The following MEGF6 variants were observed in gnomAD, a reference collection of about 807,000 sequenced individuals.
MEGF6 encodes the protein multiple epidermal growth factor-like domains protein 6.
In MEGF6, 184 loss-of-function variants were observed where a neutral mutation model predicts 207.1. The observed-to-expected ratio is 0.89, with a 90% confidence interval of 0.79 to 1.00. The LOEUF is 1.00. Among genes scored for constraint, MEGF6 ranks in the 50% least tolerant of loss-of-function variants. The probability of loss-of-function intolerance (pLI) is 0.00; values close to 1 mark genes in which losing one functional copy is unlikely to be tolerated. For missense variants in MEGF6, 2,282 were observed against 2,202.9 expected (o/e 1.04, Z -0.72); for synonymous variants, 1,038 against 910.0 (o/e 1.14, Z -2.53).
At position 3,594,906 on chromosome 1, in the gene MEGF6, G is replaced by A. The variant is rs908421779; in HGVS notation, c.376+432C>T. Among the ~76,000 whole-genome samples the A allele has an allele frequency of 2.6e-5, 4 of 152,304 alleles. No individual in the cohort carries two copies. The highest frequency in any genetic ancestry group is 2.1e-4 in the South Asian group (1 of 4,818). On this transcript the variant is annotated intron_variant, in intron 3 of 36. Transcript: ENST00000356575. This position sits in a 1 kb window ranked among gnomAD's most constrained non-coding sequence, Gnocchi z 4.2. ...CCACTGAAGCTGAGGCCCGCCACCC[G>A]GCCCGGATTGGCCTTGGGAGAACAC...
chr1:3,605,512 A>G (rs1006956517), intron 1 of MEGF6, among the ~76,000 whole-genome samples: 2 of 150,758 alleles, frequency 1.3e-5, no homozygotes, highest in African/African-American at 4.9e-5. Context: ...ACAATCACAC[A>G]CATACACATT....
chr1:3,499,030 G>C, intron 24 of MEGF6, 108 bp downstream of exon 24: 1 of 1,481,680 alleles, frequency 6.7e-7, no homozygotes, highest in Non-Finnish European at 9.1e-7. Flanking sequence ...AGTCCTAACA[G>C]CCCCTTCCTC....
chr1:3,524,375 C>T (rs1048314236), intron 4 of MEGF6, 129 bp from the exon 5 acceptor site: 4 of 1,203,032 alleles, frequency 3.3e-6, no homozygotes, highest in Non-Finnish European at 4.7e-6. Flanking sequence ...CCCATGAGCC[C>T]CTCACCCACA....
the MEGF6 span, among the ~76,000 whole-genome samples, chr1:3,620,974 C>T: frequency 6.6e-6 from 1 of 152,184 alleles, no homozygotes; most frequent in Non-Finnish European, 1.5e-5. Context: ...CAGCTTACGC[C>T]ATTATTTCCG....
At chr1:3,585,097 T>A (rs1269761388) in intron 3 of MEGF6, among the ~76,000 whole-genome samples, 2 of 150,924 alleles carry the variant, frequency 1.3e-5, no homozygotes, top group Non-Finnish European at 2.9e-5. Flanking sequence ...AGGACACATG[T>A]CCTGTGTGAG....
At chr1:3,559,733 C>T (rs766846105) in intron 4 of MEGF6, among the ~76,000 whole-genome samples, 3 of 152,040 alleles carry the variant, frequency 2.0e-5, no homozygotes, top group Non-Finnish European at 2.9e-5. Flanking sequence ...CTCGCCCGGC[C>T]GGGTACGGTG....
chr1:3,608,813 GC>G (rs1245731127), intron 1 of MEGF6, among the ~76,000 whole-genome samples: 1 of 152,172 alleles, frequency 6.6e-6, no homozygotes, highest in Non-Finnish European at 1.5e-5. Flanking sequence ...CCTGCATGAG[GC>G]CCCAGGAAGG....
intron 4 of MEGF6, among the ~76,000 whole-genome samples, chr1:3,572,005 C>T (rs1260182681): frequency 2.0e-4 from 26 of 128,706 alleles, no homozygotes; most frequent in African/African-American, 7.6e-4. Context: ...CCTGGGTGTG[C>T]TGGGTCCTTC....
chr1:3,499,531 C>A, intron 23 of MEGF6, 57 bp downstream of exon 23: 1 of 1,540,636 alleles, frequency 6.5e-7, no homozygotes, highest in Non-Finnish European at 8.7e-7. Flanking sequence ...GAGTCTCCTA[C>A]GGAGGACCTG....
Position 3,509,905 on chromosome 1 carries a change from C to T in MEGF6, c.1322G>A (p.Gly441Asp), listed in dbSNP as rs1340191703. 6.4e-7 allele frequency: 1 copy of T among 1,561,988 alleles called. No individual in the cohort carries two copies. Among genetic ancestry groups the T allele is most frequent in the Admixed American group, 1.9e-5 (1 of 52,468 alleles). Residue 441 changes from glycine to aspartate, a missense_variant, in exon 11 of 37, where the codon GGC (glycine) becomes GAC (aspartate). By Grantham distance (94) the Gly-to-Asp change is moderately conservative. Coordinates refer to ENST00000356575, the MANE Select transcript of MEGF6 (RefSeq NM_001409.4). ...CCTACGGTCCTCGTGCAGCCGGTAG[C>T]CGGCCTCGCAGGAGCACTGGAAGGA... ...AGSFQCSCEA[G>D]YRLHEDRRGC...
chr1:3,572,117 A>G (rs1247166449), intron 4 of MEGF6, among the ~76,000 whole-genome samples: 45 of 65,906 alleles, frequency 6.8e-4, no homozygotes, highest in South Asian at 1.0e-3. Flanking sequence ...GTCCTTCCTG[A>G]GTGTGTTAGG....
chr1:3,498,147 C>T (rs1417108441), intron 26 of MEGF6, among the ~76,000 whole-genome samples: 1 of 152,180 alleles, frequency 6.6e-6, no homozygotes, highest in Non-Finnish European at 1.5e-5. Flanking sequence ...TGGGGCTACC[C>T]CTGCCAAGGC....
chr1:3,537,256 C>A (rs1387032176), intron 4 of MEGF6, among the ~76,000 whole-genome samples: 1 of 152,256 alleles, frequency 6.6e-6, no homozygotes, highest in Non-Finnish European at 1.5e-5. Flanking sequence ...AGCCAGGCCC[C>A]TGGGGATGGC....
rs1191891728 is a variant in MEGF6 at position 3,488,651 on chromosome 1, A to G, written c.*1877T>C. Among the ~76,000 whole-genome samples, 1 of 152,208 alleles carries G rather than the reference A, an allele frequency of 6.6e-6. No individual in the cohort carries two copies. The highest frequency in any genetic ancestry group is 2.4e-5 in the African/African-American group (1 of 41,448). ...AGCTGGATGTAAAATTCAGCCTTCA[A>G]ATATTTCCTTCAAACTCTGAGGATG... On this transcript the variant is annotated 3_prime_UTR_variant, in exon 37 of 37. Transcript: ENST00000356575.
intron 25 of MEGF6, 64 bp downstream of exon 25, chr1:3,498,634 G>T: frequency 6.7e-7 from 1 of 1,502,034 alleles, no homozygotes; most frequent in Non-Finnish European, 8.9e-7. Flanking sequence ...GCCCTCCTAG[G>T]CCTGCAGGCG....
At chr1:3,507,987 T>C in intron 13 of MEGF6, 64 bp from the exon 14 acceptor site, 1 of 1,565,302 alleles carries the variant, frequency 6.4e-7, no homozygotes. Context: ...GACCCCTTCC[T>C]AGGGTTGGAG....
intron 4 of MEGF6, among the ~76,000 whole-genome samples, chr1:3,579,066 A>C (rs1194310493): frequency 7.9e-5 from 12 of 152,232 alleles, no homozygotes. Flanking sequence ...CCACACGAGC[A>C]GTCCCAAAGC....
chr1:3,491,042 C>T, intron 35 of MEGF6, 83 bp from the exon 36 acceptor site: 2 of 1,323,574 alleles, frequency 1.5e-6, no homozygotes, highest in Non-Finnish European at 2.0e-6. Context: ...TGACCCCATC[C>T]AGGCCTTCAG....
intron 4 of MEGF6, among the ~76,000 whole-genome samples, chr1:3,545,621 T>C (rs1016134403): frequency 1.3e-5 from 2 of 152,178 alleles, no homozygotes; most frequent in East Asian, 3.9e-4. Flanking sequence ...CACCTGCACC[T>C]GGCTCATCCT....
Sources: allele counts gnomAD v4.1 joint callset (sites outside exome capture counted in the v4.1 genomes callset), GRCh38; gene constraint gnomAD v4.1.1; non-coding constraint Gnocchi (gnomAD v3.1); transcripts MANE v1.5; gene names NCBI Gene and HGNC (gene_info 2026-07-23, HGNC 2026-07-21).